Variants in TUT1 observed in about 807,000 individuals in gnomAD.
The protein encoded by TUT1 is terminal uridylyl transferase 1, U6 snRNA-specific.
In TUT1, 26 loss-of-function variants were observed where a neutral mutation model predicts 48.8. The ratio of observed to expected loss-of-function variants is 0.53; its 90% CI spans 0.39 to 0.74. The LOEUF is 0.74. TUT1 is among the 30% of genes least tolerant of loss of function. The pLI, the probability that TUT1 is intolerant of heterozygous loss-of-function variation, is 0.00. For synonymous variants in TUT1, 470 were observed against 460.8 expected (o/e 1.02, Z -0.26); for missense variants, 1,065 against 1,114.8 (o/e 0.96, Z 0.64).
intron 2 of TUT1, among the ~76,000 whole-genome samples, chr11:62,584,011 A>C (rs1354211222): frequency 6.6e-6 from 1 of 152,204 alleles, no homozygotes; most frequent in Non-Finnish European, 1.5e-5. Context: ...CCTAAATCAC[A>C]AATGGGAAGT....
At position 62,575,489 on chromosome 11, in the gene TUT1, C is replaced by G. The variant is rs1189094093; in HGVS notation, c.2230G>C (p.Glu744Gln). The G allele has an allele frequency of 3.1e-6, 5 of 1,612,664 alleles. No homozygotes were observed. Among genetic ancestry groups the G allele is most frequent in the Non-Finnish European group, 4.2e-6 (5 of 1,180,012 alleles). Residue 744 changes from glutamate (E) to glutamine (Q), a missense_variant, in exon 9 of 9, where the codon GAG becomes CAG. Transcript: ENST00000476907. Reference sequence around the variant, plus strand: ...CCCTGAGACCATTCTTGGGCTGCCTCATGTCCCTTGGGCCCCCGCTCTGCC... The same window carrying G: ...CCCTGAGACCATTCTTGGGCTGCCTGATGTCCCTTGGGCCCCCGCTCTGCC... ...ALAERGPKGH[E>Q]AAQEWSQGEA...
At chr11:62,576,430 G>C (rs976336383) in intron 8 of TUT1, 186 bp from the exon 9 acceptor site, 20 of 834,780 alleles carry the variant, frequency 2.4e-5, no homozygotes, top group African/African-American at 5.2e-5. Flanking sequence ...GCCCCCACAT[G>C]ATGTCCTTGC....
intron 5 of TUT1, among the ~76,000 whole-genome samples, chr11:62,577,770 AAAG>A (rs796823120): frequency 1.5e-4 from 23 of 152,332 alleles, no homozygotes; most frequent in African/African-American, 5.5e-4. Context: ...ACATCCCTTG[AAAG>A]TAGTATTCTA....
intron 5 of TUT1, 58 bp downstream of exon 5, chr11:62,578,503 C>G: frequency 1.4e-6 from 2 of 1,479,846 alleles, no homozygotes; most frequent in Non-Finnish European, 1.8e-6. Context: ...CAAGATGGCA[C>G]CACTGTACTC....
chr11:62,581,664 G>A lies in TUT1; in HGVS notation c.311C>T (p.Ala104Val). The change falls in exon 3 of 9, where the codon GCT becomes GTT. Residue 104 changes from alanine (A) to valine (V), a missense_variant. Coordinates refer to ENST00000476907, the MANE Select transcript of TUT1 (RefSeq NM_022830.3). ...GGACTGTGACAAGACAGCCTCTCGA[G>A]CACCCACGTCCCCCATCTCCACAAT... ...FAIVEMGDVGAREAVLSQSQH... is the reference protein window; with the variant it reads ...FAIVEMGDVGVREAVLSQSQH... The A allele has an allele frequency of 6.7e-7, 1 of 1,498,448 alleles. No homozygotes were observed. The highest frequency in any genetic ancestry group is 8.9e-7 in the Non-Finnish European group (1 of 1,122,614). The allele number at this position is 1,498,448 out of a possible 1,614,324, so 92.8% of individuals were successfully genotyped here. A position where few individuals can be genotyped will look rare whatever the true frequency, so the allele number is the denominator to read the frequency against.
In TUT1 at chr11:62,591,430, C is replaced by A; in HGVS notation, c.56G>T (p.Cys19Phe). The part of the protein sequence containing the change: ...ESLPRGGFRC[C>F]LCHVTTANRP... ...GTTGGCTGTAGTAACGTGGCAGAGGCAGCAGCGGAACCCCCCACGCGGCAG... is the reference window on the plus strand; with the variant it reads ...GTTGGCTGTAGTAACGTGGCAGAGGAAGCAGCGGAACCCCCCACGCGGCAG... Residue 19 changes from cysteine to phenylalanine, a missense_variant, in exon 1 of 9, where the codon TGC (cysteine) becomes TTC (phenylalanine). By Grantham distance (205) the Cys-to-Phe change is radical. Coordinates refer to ENST00000476907, the MANE Select transcript of TUT1 (RefSeq NM_022830.3). The A allele has an allele frequency of 6.2e-7, 1 of 1,604,702 alleles. No individual in the cohort carries two copies. The highest frequency in any genetic ancestry group is 1.1e-5 in the South Asian group (1 of 89,018).
At chr11:62,577,848 G>T (rs1240457623) in intron 5 of TUT1, among the ~76,000 whole-genome samples, 1 of 151,920 alleles carries the variant, frequency 6.6e-6, no homozygotes, top group African/African-American at 2.4e-5. Context: ...GATCACCTGA[G>T]GTCAGGAGTT....
Position 62,578,569 on chromosome 11 carries a change from G to C in TUT1, c.1152C>G (p.Leu384=), listed in dbSNP as rs377381153. The C allele has an allele frequency of 1.3e-6, 2 of 1,598,758 alleles. No individual in the cohort carries two copies. Among genetic ancestry groups the C allele is most frequent in the African/African-American group, 2.7e-5 (2 of 74,284 alleles). The change falls in exon 5 of 9, where the codon CTC becomes CTG. Residue 384 remains leucine, a synonymous_variant. Coordinates refer to ENST00000476907, the MANE Select transcript of TUT1 (RefSeq NM_022830.3). Reference sequence around the variant, plus strand: ...AAAAAAAAGAAAGGTACCGGTTACTGAGGGAGACATCACCGTGGAGACCTG... The same window carrying C: ...AAAAAAAAGAAAGGTACCGGTTACTCAGGGAGACATCACCGTGGAGACCTG... ...RPSGLHGDVS[L]SNRLALHNSR...
At chr11:62,583,552 T>C (rs1282330746) in intron 2 of TUT1, among the ~76,000 whole-genome samples, 1 of 152,046 alleles carries the variant, frequency 6.6e-6, no homozygotes, top group Non-Finnish European at 1.5e-5. Context: ...GAGCCGAGAT[T>C]GTGCATTGTA....
In TUT1 at chr11:62,576,689, C is replaced by T. The variant is rs747349115; in HGVS notation, c.1442G>A (p.Arg481Lys). 7.4e-6 allele frequency: 12 copies of T among 1,614,104 alleles called. No homozygotes were observed. The South Asian group carries it at 1.2e-4, about 16-fold the overall frequency. Reference protein sequence around the residue: ...WDCSFPRDASRLEPSINVEPL... With the variant: ...WDCSFPRDASKLEPSINVEPL... The stretch of plus-strand genomic sequence containing the variant: ...CTCCACATTTATGCTGGGCTCCAGT[C>T]TTGAGGCATCCCTGGGGAAACTGCA... The change falls in exon 8 of 9, where the codon AGA (arginine) becomes AAA (lysine). Residue 481 changes from arginine to lysine, a missense_variant. By Grantham distance (26) the Arg-to-Lys change is conservative. Coordinates refer to ENST00000476907, the MANE Select transcript of TUT1 (RefSeq NM_022830.3).
In TUT1 at chr11:62,575,507, G is replaced by A; in HGVS notation, c.2212C>T (p.Arg738Trp). ...GQPSHAALAE[R>W]GPKGHEAAQE... ...GCTGCCTCATGTCCCTTGGGCCCCC[G>A]CTCTGCCAGGGCTGCGTGGCTGGGC... The change falls in exon 9 of 9, where the codon CGG becomes TGG. Residue 738 changes from arginine to tryptophan, a missense_variant. Transcript: ENST00000476907. 1.9e-6 allele frequency: 3 copies of A among 1,612,978 alleles called. No homozygotes were observed. Among genetic ancestry groups the A allele is most frequent in the Non-Finnish European group, 2.5e-6 (3 of 1,180,018 alleles).
chr11:62,580,284 T>C (rs1941803706), intron 4 of TUT1, among the ~76,000 whole-genome samples: 1 of 151,624 alleles, frequency 6.6e-6, no homozygotes, highest in South Asian at 2.1e-4. Flanking sequence ...CATGAAGAAA[T>C]CCCATCTCTA....
At chr11:62,589,526 C>G (rs1425880364) in intron 1 of TUT1, among the ~76,000 whole-genome samples, 1 of 152,154 alleles carries the variant, frequency 6.6e-6, no homozygotes, top group Non-Finnish European at 1.5e-5. Flanking sequence ...GCCTCAGCCT[C>G]GTGAGTAGGT....
At chr11:62,588,132 T>C (rs1419344731) in intron 2 of TUT1, among the ~76,000 whole-genome samples, 1 of 152,252 alleles carries the variant, frequency 6.6e-6, no homozygotes, top group Non-Finnish European at 1.5e-5. Flanking sequence ...CTACTCAGAA[T>C]GCAGCCCTAA....
At position 62,581,590 on chromosome 11, in the gene TUT1, TCTG is replaced by T; in HGVS notation, c.382_384del (p.Gln128del). ...TTGGAGGCCGGGCTCTGGAACTCCT[TCTG>T]CTCCCGTGGGCGGACACGCAGGCGA... On this transcript the variant is annotated inframe_deletion, in exon 3 of 9. Coordinates refer to ENST00000476907, the MANE Select transcript of TUT1 (RefSeq NM_022830.3). 4 of 1,606,954 alleles carry T rather than the reference TCTG, an allele frequency of 2.5e-6. No homozygotes were observed. Among genetic ancestry groups the T allele is most frequent in the Non-Finnish European group, 2.6e-6 (3 of 1,176,016 alleles).
rs1463789811 is a variant in TUT1, at chr11:62,575,060, C to G, written c.*34G>C. The G allele has an allele frequency of 6.5e-7, 1 of 1,546,274 alleles. No individual in the cohort carries two copies. The highest frequency in any genetic ancestry group is 2.0e-5 in the Admixed American group (1 of 49,956). On this transcript the variant is annotated 3_prime_UTR_variant, in exon 9 of 9. Transcript: ENST00000476907. ...GGAAACGGGAGACTGTATTAATAAACTAGCAGCTTTATTGCCCTTCAGGGG... is the reference window on the plus strand; with the variant it reads ...GGAAACGGGAGACTGTATTAATAAAGTAGCAGCTTTATTGCCCTTCAGGGG...
In TUT1 at chr11:62,576,250, G is replaced by A. The variant is rs2134302778; in HGVS notation, c.1475-6C>T. 2 of 1,558,764 alleles carry A rather than the reference G, an allele frequency of 1.3e-6. No individual in the cohort carries two copies. The highest frequency in any genetic ancestry group is 2.3e-5 in the East Asian group (1 of 44,098). The stretch of plus-strand genomic sequence containing the variant: ...GAACTGGGCTAGCAGGGAACCTGGA[G>A]GAGGAGGAAGAGTGGGGAAAGGGGG... On this transcript the variant is annotated splice_region_variant and splice_polypyrimidine_tract_variant and intron_variant, in intron 8 of 8. Coordinates refer to ENST00000476907, the MANE Select transcript of TUT1 (RefSeq NM_022830.3).
At chr11:62,585,393 G>A (rs1017282276) in intron 2 of TUT1, among the ~76,000 whole-genome samples, 6 of 152,178 alleles carry the variant, frequency 3.9e-5, no homozygotes, top group Non-Finnish European at 7.3e-5. Context: ...ATAAACCACA[G>A]TTTACCAGAC....
intron 4 of TUT1, 49 bp downstream of exon 4, chr11:62,581,057 G>T: frequency 6.9e-7 from 1 of 1,456,464 alleles, no homozygotes; most frequent in Non-Finnish European, 9.6e-7. Context: ...CAGTCACATG[G>T]CCATTCTCAT....
Sources: allele counts gnomAD v4.1 joint callset (sites outside exome capture counted in the v4.1 genomes callset), GRCh38; gene constraint gnomAD v4.1.1; transcripts MANE v1.5; gene names NCBI Gene and HGNC (gene_info 2026-07-23, HGNC 2026-07-21).